WLS: variants seen among roughly 807,000 people sequenced by gnomAD.
The protein encoded by WLS is protein wntless homolog.
Under a neutral mutation model 62.8 loss-of-function variants are expected in WLS, and 23 were observed. That is an observed-to-expected ratio of 0.37 (90% CI 0.26 to 0.52). The LOEUF is 0.52. WLS is among the 20% of genes least tolerant of loss of function. The pLI is 0.92. For missense variants in WLS, 615 were observed against 697.3 expected, an observed-to-expected ratio of 0.88 and a Z score of 1.33; for synonymous variants, 246 against 244.1, an observed-to-expected ratio of 1.01 and a Z score of -0.07.
At chr1:68,128,711 T>C (rs554279389) in intron 11 of WLS, among the ~76,000 whole-genome samples, 73 of 152,340 alleles carry the variant, frequency 4.8e-4, no homozygotes, top group Middle Eastern at 3.4e-3. Context: ...TGGATACCTA[T>C]GTCATAATGC....
At chr1:68,205,568 GA>G (rs1330671019) in intron 1 of WLS, among the ~76,000 whole-genome samples, 1 of 152,130 alleles carries the variant, frequency 6.6e-6, no homozygotes, top group Non-Finnish European at 1.5e-5. Flanking sequence ...TAAATGAATA[GA>G]AAGCAAATGG....
intron 2 of WLS, among the ~76,000 whole-genome samples, chr1:68,170,326 T>C (rs2820496): frequency 0.9 from 136,256 of 151,870 alleles, 61,417 homozygotes; most frequent in Middle Eastern, 0.99. Flanking sequence ...CCACCATGCC[T>C]GGCTAATTTT....
chr1:68,195,689 T>C (rs542930592), intron 1 of WLS, among the ~76,000 whole-genome samples: 12 of 152,264 alleles, frequency 7.9e-5, no homozygotes, highest in African/African-American at 2.9e-4. Flanking sequence ...AAGTTCCAGA[T>C]CTTATATGGA....
chr1:68,201,931 C>T (rs897136467), intron 1 of WLS: 1 of 152,308 alleles, frequency 6.6e-6, no homozygotes, highest in Admixed American at 6.5e-5. Flanking sequence ...TACATTCCGA[C>T]TCAAAAATAT....
At position 68,228,897 on chromosome 1, in the gene WLS, G is replaced by T. The variant is rs79324314; in HGVS notation, c.106+3297C>A. Among the ~76,000 whole-genome samples, 396 of 90,388 alleles carry T rather than the reference G, an allele frequency of 4.4e-3. 1 individual carries two copies. The highest frequency in any genetic ancestry group is 7.6e-3 in the Middle Eastern group (1 of 132). The allele number at this position is 90,388 out of a possible 152,430, so 59.3% of individuals were successfully genotyped here. A position where few individuals can be genotyped will look rare whatever the true frequency, so the allele number is the denominator to read the frequency against. ...CAAGCAAAAAAATGTGTTTTTTTTT[G>T]TTTTTTTTTTTTTTTGGTAAGAAGG... is the stretch of plus-strand genomic sequence containing the variant. On this transcript the variant is annotated intron_variant, in intron 1 of 11. Transcript: ENST00000262348.
At chr1:68,209,278 C>A in intron 1 of WLS, among the ~76,000 whole-genome samples, 1 of 152,192 alleles carries the variant, frequency 6.6e-6, no homozygotes, top group Non-Finnish European at 1.5e-5. Context: ...CTCCATCAAG[C>A]CATTCTACAA....
chr1:68,202,699 G>C (rs953042351), intron 1 of WLS: 5 of 152,180 alleles, frequency 3.3e-5, no homozygotes, highest in African/African-American at 1.2e-4. Context: ...TCAGCCAAAA[G>C]ACTGTGGAAT....
chr1:68,159,380 C>CA (rs1646942214), intron 2 of WLS, 133 bp from the exon 3 acceptor site: 3 of 1,200,780 alleles, frequency 2.5e-6, no homozygotes, highest in Non-Finnish European at 3.4e-6. Flanking sequence ...TATCAAACTC[C>CA]AAACCTGAAG....
intron 1 of WLS, among the ~76,000 whole-genome samples, chr1:68,206,990 G>A (rs1649308234): frequency 6.6e-6 from 1 of 152,038 alleles, no homozygotes; most frequent in Admixed American, 6.6e-5. Context: ...GATCTTAATG[G>A]TCCTATTCTC....
At chr1:68,229,164 T>C (rs987986614) in intron 1 of WLS, among the ~76,000 whole-genome samples, 1 of 152,180 alleles carries the variant, frequency 6.6e-6, no homozygotes, top group African/African-American at 2.4e-5. Context: ...TTAACTCACT[T>C]GCCTGGTCAC....
At chr1:68,137,238 A>T (rs1376053041) in intron 11 of WLS, among the ~76,000 whole-genome samples, 1 of 151,084 alleles carries the variant, frequency 6.6e-6, no homozygotes, top group African/African-American at 2.4e-5. Context: ...ATTATAAGAT[A>T]TAAAAAGGCA....
downstream of WLS, among the ~76,000 whole-genome samples, chr1:68,124,662 C>G (rs1646403255): frequency 6.6e-6 from 1 of 152,154 alleles, no homozygotes; most frequent in African/African-American, 2.4e-5. Flanking sequence ...GGATCGTACA[C>G]CATCCCAATG....
intron 2 of WLS, among the ~76,000 whole-genome samples, chr1:68,188,492 A>G (rs1422551888): frequency 6.6e-6 from 1 of 152,244 alleles, no homozygotes; most frequent in Admixed American, 6.5e-5. Context: ...TTCACTGTGC[A>G]GAACACAAGG....
chr1:68,114,789 T>C (rs1370781495), intron 11 of WLS, among the ~76,000 whole-genome samples: 1 of 152,222 alleles, frequency 6.6e-6, no homozygotes, highest in Non-Finnish European at 1.5e-5. Context: ...CCAGTTATCA[T>C]ACTATGGGCT....
At chr1:68,178,705 C>CAAAAAAAAAAAAAAAAAAAAA (rs376126398) in intron 2 of WLS, among the ~76,000 whole-genome samples, 5 of 108,220 alleles carry the variant, frequency 4.6e-5, no homozygotes, top group African/African-American at 1.3e-4. Context: ...GACTACATTT[C>CAAAAAAAAAAAAAAAAAAAAA]AAAAAAAAAA....
intron 8 of WLS, among the ~76,000 whole-genome samples, chr1:68,147,157 A>T (rs1038275025): frequency 5.9e-5 from 9 of 152,192 alleles, no homozygotes; most frequent in Non-Finnish European, 1.0e-4. Flanking sequence ...TATAATGAAC[A>T]TCATCCTGGA....
At chr1:68,215,481 A>G (rs1325032232) in intron 1 of WLS, among the ~76,000 whole-genome samples, 2 of 152,238 alleles carry the variant, frequency 1.3e-5, no homozygotes, top group African/African-American at 4.8e-5. Flanking sequence ...AGAGATAGAC[A>G]TTCCCAGATT....
chr1:68,157,231 A>T (rs1364620149), intron 3 of WLS, among the ~76,000 whole-genome samples: 1 of 152,190 alleles, frequency 6.6e-6, no homozygotes, highest in Non-Finnish European at 1.5e-5. Context: ...GTTAAGTAAG[A>T]TGATCTCCAG....
intron 1 of WLS, among the ~76,000 whole-genome samples, chr1:68,219,708 C>T (rs1221458782): frequency 6.6e-6 from 1 of 152,152 alleles, no homozygotes; most frequent in African/African-American, 2.4e-5. Context: ...TATTCTCATA[C>T]AGCTTACAGT....
Sources: allele counts gnomAD v4.1 joint callset (sites outside exome capture counted in the v4.1 genomes callset), GRCh38; gene constraint gnomAD v4.1.1; transcripts MANE v1.5; gene names NCBI Gene and HGNC (gene_info 2026-07-23, HGNC 2026-07-21).